CNTNAP5: variants seen among roughly 807,000 people sequenced by gnomAD.
CNTNAP5 encodes contactin-associated protein-like 5.
Under a neutral mutation model 150.2 loss-of-function variants are expected in CNTNAP5, and 72 were observed. The observed-to-expected ratio is 0.48, with a 90% CI of 0.40 to 0.58. CNTNAP5 has a LOEUF of 0.58. Among genes scored for constraint, CNTNAP5 ranks in the 20% least tolerant of loss-of-function variants. The pLI is 0.00. For synonymous variants in CNTNAP5, 672 were observed against 619.8 expected, an observed-to-expected ratio of 1.08 and a Z score of -1.25; for missense variants, 1,636 against 1,626.2, an observed-to-expected ratio of 1.01 and a Z score of -0.10.
At chr2:124,646,844 A>G (rs1484044883) in intron 12 of CNTNAP5, among the ~76,000 whole-genome samples, 2 of 152,170 alleles carry the variant, frequency 1.3e-5, no homozygotes, top group African/African-American at 2.4e-5. Flanking sequence ...ACGCTGGCTC[A>G]TGCCTGTGGT....
intron 8 of CNTNAP5, among the ~76,000 whole-genome samples, chr2:124,513,618 G>T (rs967988563): frequency 6.6e-6 from 1 of 152,154 alleles, no homozygotes; most frequent in Non-Finnish European, 1.5e-5. Context: ...AAACATTTCT[G>T]AAAGATAGAA....
intron 3 of CNTNAP5, among the ~76,000 whole-genome samples, chr2:124,375,608 T>C (rs1238486490): frequency 3.3e-5 from 5 of 152,058 alleles, no homozygotes; most frequent in Non-Finnish European, 7.4e-5. Context: ...GAGAAACTGA[T>C]AAAATGAAAA....
intron 7 of CNTNAP5, among the ~76,000 whole-genome samples, chr2:124,502,964 A>G (rs1277097605): frequency 6.6e-6 from 1 of 152,200 alleles, no homozygotes; most frequent in Non-Finnish European, 1.5e-5. Flanking sequence ...TGAAGAAAAT[A>G]ATACATTACG....
intron 6 of CNTNAP5, among the ~76,000 whole-genome samples, chr2:124,472,491 T>G (rs1693540166): frequency 6.6e-6 from 1 of 151,576 alleles, no homozygotes; most frequent in African/African-American, 2.4e-5. Context: ...GAAGTTTTGA[T>G]GGAGACAGTA....
At chr2:124,343,563 T>G (rs993126431) in intron 3 of CNTNAP5, among the ~76,000 whole-genome samples, 1 of 152,172 alleles carries the variant, frequency 6.6e-6, no homozygotes, top group South Asian at 2.1e-4. Context: ...ATGATATTCA[T>G]GTAGCCAGAG....
At chr2:124,358,116 G>C (rs146979450) in intron 3 of CNTNAP5, among the ~76,000 whole-genome samples, 1 of 152,058 alleles carries the variant, frequency 6.6e-6, no homozygotes, top group African/African-American at 2.4e-5. Context: ...TCTGTTGTTG[G>C]TGTATAAGAA....
chr2:124,778,744 A>G (rs565626164), intron 17 of CNTNAP5: 2 of 152,296 alleles, frequency 1.3e-5, no homozygotes, highest in East Asian at 3.9e-4. Flanking sequence ...CGTGTTGTAA[A>G]GCCATTCAAA....
At chr2:124,113,039 C>T (rs1366103057) in intron 1 of CNTNAP5, among the ~76,000 whole-genome samples, 1 of 152,138 alleles carries the variant, frequency 6.6e-6, no homozygotes, top group Non-Finnish European at 1.5e-5. Flanking sequence ...AGCTGATACA[C>T]TGCCTGTGAA....
intron 13 of CNTNAP5, among the ~76,000 whole-genome samples, chr2:124,703,194 C>T (rs550804554): frequency 4.4e-4 from 63 of 143,626 alleles, no homozygotes; most frequent in African/African-American, 1.6e-3. Flanking sequence ...CTCCTTCTTT[C>T]CTTCCTTCCT....
intron 10 of CNTNAP5, among the ~76,000 whole-genome samples, chr2:124,532,522 G>C (rs1573441010): frequency 6.6e-6 from 1 of 152,140 alleles, no homozygotes; most frequent in Non-Finnish European, 1.5e-5. Flanking sequence ...GTATCAACAG[G>C]AGACAGGCTC....
At chr2:124,200,675 T>C (rs1685707802) in intron 1 of CNTNAP5, among the ~76,000 whole-genome samples, 1 of 152,258 alleles carries the variant, frequency 6.6e-6, no homozygotes, top group Admixed American at 6.5e-5. Flanking sequence ...ATCTGTTAAA[T>C]GATAACTCCT....
chr2:124,207,477 A>G (rs960216515), intron 1 of CNTNAP5, among the ~76,000 whole-genome samples: 1 of 152,232 alleles, frequency 6.6e-6, no homozygotes, highest in African/African-American at 2.4e-5. Flanking sequence ...AAGGAAAAAT[A>G]GCAATGAATG....
At chr2:124,040,573 A>G (rs1248423643) in intron 1 of CNTNAP5, among the ~76,000 whole-genome samples, 1 of 149,958 alleles carries the variant, frequency 6.7e-6, no homozygotes, top group Admixed American at 6.7e-5. Flanking sequence ...CAAATATAAT[A>G]TGTTCAATTC....
At chr2:124,619,842 C>CATATAT (rs58774096) in intron 12 of CNTNAP5, among the ~76,000 whole-genome samples, 151 of 98,422 alleles carry the variant, frequency 1.5e-3, no homozygotes, top group African/African-American at 2.1e-3. Flanking sequence ...CTGTCTCATT[C>CATATAT]ATATATATAT....
chr2:124,693,840 C>CAAA (rs142663614), intron 13 of CNTNAP5, among the ~76,000 whole-genome samples: 6 of 121,748 alleles, frequency 4.9e-5, no homozygotes, highest in African/African-American at 1.5e-4. Flanking sequence ...AAAAAAAAGG[C>CAAA]AAAAAAAAAA....
chr2:124,321,888 G>A (rs1198908142), intron 3 of CNTNAP5, among the ~76,000 whole-genome samples: 2 of 152,100 alleles, frequency 1.3e-5, no homozygotes, highest in African/African-American at 4.8e-5. Context: ...GGTGGCTCAC[G>A]CCTGTAATCC....
intron 3 of CNTNAP5, among the ~76,000 whole-genome samples, chr2:124,292,057 A>C (rs1467628128): frequency 1.3e-5 from 2 of 152,158 alleles, no homozygotes; most frequent in Non-Finnish European, 2.9e-5. Flanking sequence ...TATGAGGACC[A>C]ACAGTGACCT....
intron 13 of CNTNAP5, among the ~76,000 whole-genome samples, chr2:124,671,027 G>A (rs1241077074): frequency 1.3e-5 from 2 of 152,122 alleles, no homozygotes; most frequent in Admixed American, 1.3e-4. Flanking sequence ...TACAGAGGAG[G>A]TGCCCAATAT....
In CNTNAP5 at chr2:124,057,448, AT is replaced by A. The variant is rs556571236; in HGVS notation, c.82+31739del. Among the ~76,000 whole-genome samples, 53 of 62,786 alleles carry A rather than the reference AT, an allele frequency of 8.4e-4. 3 individuals carry two copies. The highest frequency in any genetic ancestry group is 0.011 in the Middle Eastern group (1 of 94). The allele number at this position is 62,786 out of a possible 152,430, so 41.2% of individuals were successfully genotyped here. ...AGGCACCCACCAGCACGGCCAGCTAATTTTTTTTTTTTTTTTTTTTTTTAGT... is the reference window on the plus strand; with the variant it reads ...AGGCACCCACCAGCACGGCCAGCTAATTTTTTTTTTTTTTTTTTTTTTAGT... On this transcript the variant is annotated intron_variant, in intron 1 of 23. Coordinates refer to ENST00000682447, the MANE Select transcript of CNTNAP5 (RefSeq NM_001367498.1).
Sources: gnomAD v4.1 joint callset for allele counts (sites outside exome capture counted in the v4.1 genomes callset) on GRCh38, gnomAD v4.1.1 for gene constraint, MANE v1.5 for transcripts, NCBI Gene and HGNC (gene_info 2026-07-23, HGNC 2026-07-21) for gene names.